FTO: variants seen among roughly 807,000 people sequenced by gnomAD.
FTO encodes the protein FTO alpha-ketoglutarate dependent dioxygenase.
In FTO, 47 loss-of-function variants were observed where a neutral mutation model predicts 63.9. That is an observed-to-expected ratio of 0.74 (90% CI 0.58 to 0.94). The LOEUF (loss-of-function observed/expected upper bound fraction) is 0.94, where lower values mean the gene tolerates loss of function less well. Ranked by LOEUF, FTO falls within the 40% of genes least tolerant of loss-of-function variation. The pLI is 0.00. For missense variants in FTO, 562 were observed against 618.1 expected (o/e 0.91, Z 0.96); for synonymous variants, 207 against 224.4 (o/e 0.92, Z 0.69).
At chr16:53,958,504 G>A (rs2082985568) in intron 8 of FTO, among the ~76,000 whole-genome samples, 1 of 152,210 alleles carries the variant, frequency 6.6e-6, no homozygotes, top group Non-Finnish European at 1.5e-5. Flanking sequence ...GTTAAAAGGT[G>A]TCCCACCCCC....
intron 1 of FTO, among the ~76,000 whole-genome samples, chr16:53,773,628 T>C (rs2077394580): frequency 6.6e-6 from 1 of 152,182 alleles, no homozygotes; most frequent in Non-Finnish European, 1.5e-5. Flanking sequence ...GATTGTACAT[T>C]CTGTGGAGAA....
chr16:53,864,392 T>C lies in FTO; in HGVS notation c.896-9394T>C, dbSNP rs541037696. 2.6e-5 allele frequency among the ~76,000 whole-genome samples: 4 copies of C among 152,258 alleles called. No individual in the cohort carries two copies. The South Asian group carries it at 8.3e-4, about 32-fold the overall frequency. On this transcript the variant is annotated intron_variant, in intron 4 of 8. Transcript: ENST00000471389. ...CCAACTGTCCTTTTCGAAAAGTCTG[T>C]GGGCAAGGGGATCTCAGGATGCAGG...
rs993227626 is a variant in FTO at position 54,118,206 on chromosome 16, A to C, written c.*6291A>C. 3.3e-5 allele frequency: 5 copies of C among 152,202 alleles called. No individual in the cohort carries two copies. The highest frequency in any genetic ancestry group is 6.6e-5 in the Admixed American group (1 of 15,262). The allele number at this position is 152,202 out of a possible 1,614,324, so 9.4% of individuals were successfully genotyped here. ...GAGATGGGAAGTGCTGGCCTAGGAC[A>C]GCAAGGTGCCCTACAGGTGGGGCCA... On this transcript the variant is annotated 3_prime_UTR_variant, in exon 9 of 9. Transcript: ENST00000471389.
chr16:53,819,528 T>G (rs2078793843), intron 2 of FTO, among the ~76,000 whole-genome samples: 1 of 152,160 alleles, frequency 6.6e-6, no homozygotes, highest in Non-Finnish European at 1.5e-5. Context: ...TGAATGGGTG[T>G]GTGTGTGTGT....
chr16:53,987,103 C>T (rs1012158269), intron 8 of FTO, among the ~76,000 whole-genome samples: 17 of 151,898 alleles, frequency 1.1e-4, no homozygotes, highest in African/African-American at 4.1e-4. Context: ...TCGTGCCAGT[C>T]GCTGGAATAC....
chr16:53,711,163 GTATATA>G (rs60261423), intron 1 of FTO, among the ~76,000 whole-genome samples: 1 of 150,164 alleles, frequency 6.7e-6, no homozygotes, highest in African/African-American at 2.4e-5. Context: ...TATTCTGTAT[GTATATA>G]TATATATATG....
intron 7 of FTO, among the ~76,000 whole-genome samples, chr16:53,919,589 C>G (rs2081961465): frequency 6.6e-6 from 1 of 152,102 alleles, no homozygotes; most frequent in Admixed American, 6.6e-5. Context: ...GCCCATCAGC[C>G]AACAAGCGGA....
At chr16:53,969,938 A>G (rs569746132) in intron 8 of FTO, among the ~76,000 whole-genome samples, 22 of 152,288 alleles carry the variant, frequency 1.4e-4, no homozygotes, top group African/African-American at 5.1e-4. Flanking sequence ...CTAAGCACGG[A>G]GGAGGAGGCT....
At chr16:53,895,874 A>G (rs1274270604) in intron 7 of FTO, among the ~76,000 whole-genome samples, 2 of 152,202 alleles carry the variant, frequency 1.3e-5, no homozygotes, top group African/African-American at 4.8e-5. Flanking sequence ...CAGCCTTGCC[A>G]TCTCTCTTAA....
intron 2 of FTO, among the ~76,000 whole-genome samples, chr16:53,814,195 C>T (rs1165508380): frequency 1.3e-5 from 2 of 152,124 alleles, no homozygotes; most frequent in Non-Finnish European, 2.9e-5. Context: ...AACCAAACCA[C>T]CAAGGGTCAA....
intron 4 of FTO, among the ~76,000 whole-genome samples, chr16:53,863,826 C>T (rs963047906): frequency 6.6e-6 from 1 of 152,192 alleles, no homozygotes; most frequent in Non-Finnish European, 1.5e-5. Flanking sequence ...TTATCAGGCT[C>T]GCTGCTCTTT....
intron 8 of FTO, among the ~76,000 whole-genome samples, chr16:53,966,426 A>AT (rs2083198744): frequency 6.6e-6 from 1 of 152,190 alleles, no homozygotes; most frequent in Admixed American, 6.5e-5. Flanking sequence ...CATCCCCACA[A>AT]TCACAATCTC....
intron 8 of FTO, among the ~76,000 whole-genome samples, chr16:54,009,768 CT>C (rs1408159502): frequency 1.3e-5 from 2 of 152,140 alleles, no homozygotes; most frequent in Non-Finnish European, 2.9e-5. Context: ...ACGCATCTGG[CT>C]TTTCTGCTTT....
intron 1 of FTO, among the ~76,000 whole-genome samples, chr16:53,757,492 T>C (rs1490400581): frequency 6.6e-6 from 1 of 151,712 alleles, no homozygotes; most frequent in Non-Finnish European, 1.5e-5. Context: ...CTGTATATAA[T>C]ATGTGTGTAT....
At chr16:53,779,981 C>G (rs1163673675) in intron 1 of FTO, among the ~76,000 whole-genome samples, 2 of 152,190 alleles carry the variant, frequency 1.3e-5, no homozygotes, top group Non-Finnish European at 2.9e-5. Context: ...CTCCCTACTT[C>G]AAGTTTTAAC....
At chr16:54,062,622 G>C (rs557411291) in intron 8 of FTO, among the ~76,000 whole-genome samples, 168 of 152,326 alleles carry the variant, frequency 1.1e-3, no homozygotes, top group Middle Eastern at 3.4e-3. Context: ...TGCAGGAGGA[G>C]ATGCTGAACC....
intron 7 of FTO, among the ~76,000 whole-genome samples, chr16:53,925,411 G>A (rs1002593223): frequency 6.6e-6 from 1 of 152,082 alleles, no homozygotes; most frequent in African/African-American, 2.4e-5. Flanking sequence ...AGAAAGGTAC[G>A]CAGTTCTGGG....
intron 1 of FTO, among the ~76,000 whole-genome samples, chr16:53,716,555 A>G (rs1021693733): frequency 2.6e-5 from 4 of 152,218 alleles, no homozygotes; most frequent in African/African-American, 7.2e-5. Context: ...TAATATATGT[A>G]AAGCATTTAG....
At chr16:54,068,010 G>C (rs2085774898) in intron 8 of FTO, among the ~76,000 whole-genome samples, 1 of 151,830 alleles carries the variant, frequency 6.6e-6, no homozygotes, top group African/African-American at 2.4e-5. Context: ...TATAACTGGG[G>C]CTTGCTGCTT....
Sources: gnomAD v4.1 joint callset for allele counts (sites outside exome capture counted in the v4.1 genomes callset) on GRCh38, gnomAD v4.1.1 for gene constraint, MANE v1.5 for transcripts, NCBI Gene and HGNC (gene_info 2026-07-23, HGNC 2026-07-21) for gene names.